Variants in ANKRD55 observed in about 807,000 individuals in gnomAD.
ANKRD55 encodes ankyrin repeat domain 55.
Under a neutral mutation model 60.6 loss-of-function variants are expected in ANKRD55, and 41 were observed. That is an observed-to-expected ratio of 0.68 (90% CI 0.53 to 0.88). The LOEUF (loss-of-function observed/expected upper bound fraction) is 0.88, where lower values mean the gene tolerates loss of function less well. Ranked by LOEUF, ANKRD55 falls within the 40% of genes least tolerant of loss-of-function variation. ANKRD55 has a pLI of 0.00. For synonymous variants in ANKRD55, 264 were observed against 290.3 expected (o/e 0.91, Z 0.92); for missense variants, 732 against 767.6 (o/e 0.95, Z 0.55).
Position 56,170,709 on chromosome 5 carries a change from G to A in ANKRD55, c.407C>T (p.Ala136Val). 6.2e-7 allele frequency: 1 copy of A among 1,614,046 alleles called. No individual in the cohort carries two copies. The highest frequency in any genetic ancestry group is 8.5e-7 in the Non-Finnish European group (1 of 1,179,944). Residue 136 changes from alanine to valine, a missense_variant, in exon 5 of 12, where the codon GCT becomes GTT. By Grantham distance (64) the Ala-to-Val change is moderately conservative. Around this residue, in one of 3 missense-constraint regions of ANKRD55, gnomAD observed 597 missense variants for 607.5 expected, o/e 0.98. Transcript: ENST00000341048. ...GGCCACTTACCTCATATCGGGCTCAGCAGTGGCAGCATGCAGTGGCAGGCG... is the reference window on the plus strand; with the variant it reads ...GGCCACTTACCTCATATCGGGCTCAACAGTGGCAGCATGCAGTGGCAGGCG... Reference protein sequence around the residue: ...NGRLPLHAATAEPDMRLLTVL... With the variant: ...NGRLPLHAATVEPDMRLLTVL...
At chr5:56,212,552 A>G (rs79069366) in intron 2 of ANKRD55, among the ~76,000 whole-genome samples, 3 of 152,240 alleles carry the variant, frequency 2.0e-5, no homozygotes, top group African/African-American at 7.2e-5. Flanking sequence ...ATTTTCTTTC[A>G]GGCACTGTCC....
chr5:56,191,300 C>A (rs1561286847), intron 2 of ANKRD55, among the ~76,000 whole-genome samples: 1 of 152,150 alleles, frequency 6.6e-6, no homozygotes. Flanking sequence ...TTGTGTAGTA[C>A]TGGCATCTTA....
At chr5:56,130,304 G>T (rs1031976911) in intron 7 of ANKRD55, among the ~76,000 whole-genome samples, 13 of 152,178 alleles carry the variant, frequency 8.5e-5, no homozygotes, top group African/African-American at 3.1e-4. Context: ...TGACCTTAGG[G>T]AAGAAAAGTG....
At chr5:56,134,921 C>T (rs776666016) in intron 7 of ANKRD55, among the ~76,000 whole-genome samples, 30 of 152,102 alleles carry the variant, frequency 2.0e-4, no homozygotes, top group Non-Finnish European at 3.1e-4. Flanking sequence ...AGGATTTATC[C>T]AAGGTATGCA....
intron 5 of ANKRD55, chr5:56,161,888 T>TGG (rs1758341358): frequency 1.3e-6 from 1 of 770,558 alleles, no homozygotes; most frequent in African/African-American, 1.9e-5. Context: ...TAAAAATAAT[T>TGG]GCATTTTGGG....
intron 7 of ANKRD55, among the ~76,000 whole-genome samples, chr5:56,131,795 CAAAAAAAAAAAAAAA>C (rs34898025): frequency 1.9e-4 from 5 of 26,788 alleles, no homozygotes; most frequent in African/African-American, 4.2e-4. Flanking sequence ...GACTCCGTCT[CAAAAAAAAAAAAAAA>C]AAAAAAAAAA....
At chr5:56,154,006 T>G (rs932815700) in intron 6 of ANKRD55, among the ~76,000 whole-genome samples, 1 of 150,516 alleles carries the variant, frequency 6.6e-6, no homozygotes, top group Non-Finnish European at 1.5e-5. Context: ...GGTCAGGAGA[T>G]TGAGACCACC....
intron 8 of ANKRD55, among the ~76,000 whole-genome samples, chr5:56,117,585 C>G (rs1756919095): frequency 6.6e-6 from 1 of 152,112 alleles, no homozygotes; most frequent in African/African-American, 2.4e-5. Context: ...TCCTGAGTAG[C>G]TGAGATGACA....
chr5:56,169,848 A>G (rs891615049), intron 5 of ANKRD55, among the ~76,000 whole-genome samples: 7 of 152,206 alleles, frequency 4.6e-5, no homozygotes, highest in African/African-American at 1.7e-4. Flanking sequence ...CATGTTCTGC[A>G]CAGCAGAAAG....
intron 2 of ANKRD55, among the ~76,000 whole-genome samples, chr5:56,210,579 A>G (rs1353124534): frequency 2.0e-5 from 3 of 151,454 alleles, no homozygotes; most frequent in African/African-American, 4.8e-5. Context: ...AAAAAAAAAA[A>G]AAAAAAGAAA....
chr5:56,143,371 G>C (rs1030046665), intron 7 of ANKRD55, among the ~76,000 whole-genome samples: 7 of 152,262 alleles, frequency 4.6e-5, no homozygotes, highest in African/African-American at 1.7e-4. Flanking sequence ...TAGTGATGCA[G>C]GGTCATGAGC....
At position 56,116,710 on chromosome 5, in the gene ANKRD55, G is replaced by A; in HGVS notation, c.870C>T (p.Asp290=). 1 of 1,614,068 alleles carries A rather than the reference G, an allele frequency of 6.2e-7. No homozygotes were observed. The highest frequency in any genetic ancestry group is 8.5e-7 in the Non-Finnish European group (1 of 1,179,960). Reference sequence around the variant, plus strand: ...TCTCATTGATGTCCCGCAGGTTGCTGTCCATTCCCAACTCCAGCAGTGACT... The same window carrying A: ...TCTCATTGATGTCCCGCAGGTTGCTATCCATTCCCAACTCCAGCAGTGACT... ...CVQSLLELGM[D]SNLRDINEST... is the part of the protein sequence containing the mutation. Residue 290 remains aspartate, a synonymous_variant, in exon 9 of 12, where the codon GAC becomes GAT. Coordinates refer to ENST00000341048, the MANE Select transcript of ANKRD55 (RefSeq NM_024669.3).
intron 6 of ANKRD55, among the ~76,000 whole-genome samples, chr5:56,158,605 C>T (rs1486056451): frequency 6.6e-6 from 1 of 152,186 alleles, no homozygotes; most frequent in Non-Finnish European, 1.5e-5. Context: ...ATGAATTAAA[C>T]AGCAGTTACG....
rs150563334 is a variant in ANKRD55, at chr5:56,222,121, T to C, written c.58+10735A>G. Among the ~76,000 whole-genome samples the C allele has an allele frequency of 7.5e-3, 1,133 of 151,924 alleles. 17 individuals are homozygous for C. Among genetic ancestry groups the C allele is most frequent in the African/African-American group, 0.026 (1,075 of 41,384 alleles). On this transcript the variant is annotated intron_variant, in intron 2 of 11. Coordinates refer to ENST00000341048, the MANE Select transcript of ANKRD55 (RefSeq NM_024669.3). ...AGTAGGGGCTGACTGACACCTCATATAGCCAGGTGCCTCTCTGAGACTAAG... is the reference window on the plus strand; with the variant it reads ...AGTAGGGGCTGACTGACACCTCATACAGCCAGGTGCCTCTCTGAGACTAAG...
chr5:56,142,028 G>C (rs936507259), intron 7 of ANKRD55, among the ~76,000 whole-genome samples: 13 of 152,106 alleles, frequency 8.5e-5, no homozygotes, highest in African/African-American at 3.1e-4. Flanking sequence ...GCCTCTTAAA[G>C]GATAAGAACA....
At chr5:56,139,775 T>C (rs1423218636) in intron 7 of ANKRD55, among the ~76,000 whole-genome samples, 1 of 152,180 alleles carries the variant, frequency 6.6e-6, no homozygotes, top group Non-Finnish European at 1.5e-5. Context: ...AAGAGCTCTG[T>C]AAGAATAGAT....
chr5:56,159,817 TGA>T lies in ANKRD55; in HGVS notation c.483+14_483+15del. ...ACATGCAAAATGACCACTTGTTGCTTGAGAGTGTGGCTCACCTCATTGTCCTG... is the reference window on the plus strand; with the variant it reads ...ACATGCAAAATGACCACTTGTTGCTTGAGTGTGGCTCACCTCATTGTCCTG... On this transcript the variant is annotated intron_variant, in intron 6 of 11. Coordinates refer to ENST00000341048, the MANE Select transcript of ANKRD55 (RefSeq NM_024669.3). The T allele has an allele frequency of 1.9e-6, 3 of 1,613,170 alleles. No individual in the cohort carries two copies. Among genetic ancestry groups the T allele is most frequent in the Non-Finnish European group, 2.5e-6 (3 of 1,179,308 alleles).
Position 56,111,425 on chromosome 5 carries a change from G to T in ANKRD55, c.1323C>A (p.Thr441=). The part of the protein sequence containing the change: ...PIRTQSLPPI[T]LGNNFLTASH... ...AGGCTGTTAGGAAGTTATTGCCCAG[G>T]GTGATGGGTGGGAGACTCTGCGTTC... is the stretch of plus-strand genomic sequence containing the variant. The change falls in exon 10 of 12, where the codon ACC becomes ACA. Residue 441 remains threonine, a synonymous_variant. Coordinates refer to ENST00000341048, the MANE Select transcript of ANKRD55 (RefSeq NM_024669.3). 1 of 1,614,148 alleles carries T rather than the reference G, an allele frequency of 6.2e-7. No individual in the cohort carries two copies. Among genetic ancestry groups the T allele is most frequent in the South Asian group, 1.1e-5 (1 of 91,084 alleles).
At chr5:56,102,389 T>G in intron 11 of ANKRD55, 105 bp downstream of exon 11, 1 of 774,590 alleles carries the variant, frequency 1.3e-6, no homozygotes, top group Non-Finnish European at 2.0e-6. Context: ...AGACTCCATC[T>G]CAAAAAAAAA....
Sources: gnomAD v4.1 joint callset for allele counts (sites outside exome capture counted in the v4.1 genomes callset) on GRCh38, gnomAD v4.1.1 for gene constraint, gnomAD v4.1.1 regional missense constraint, MANE v1.5 for transcripts, NCBI Gene and HGNC (gene_info 2026-07-23, HGNC 2026-07-21) for gene names.